ZNRF1: variants seen among roughly 807,000 people sequenced by gnomAD.
The protein encoded by ZNRF1 is zinc and ring finger 1.
ZNRF1 carries 3 observed loss-of-function variants against 18.4 expected under a neutral mutation model. The observed-to-expected ratio is 0.16, with a 90% CI of 0.07 to 0.42. The LOEUF (loss-of-function observed/expected upper bound fraction) is 0.42. ZNRF1 is among the 10% of genes least tolerant of loss of function. The probability of loss-of-function intolerance (pLI) is 0.99; values close to 1 mark genes in which losing one functional copy is unlikely to be tolerated. For synonymous variants in ZNRF1, 157 were observed against 144.2 expected (o/e 1.09, Z -0.64); for missense variants, 310 against 329.8 (o/e 0.94, Z 0.47).
At chr16:75,089,354 C>G (rs1948628704) in intron 1 of ZNRF1, among the ~76,000 whole-genome samples, 1 of 152,148 alleles carries the variant, frequency 6.6e-6, no homozygotes, top group Admixed American at 6.5e-5. Context: ...AGTGATCCTC[C>G]CACCATGGCC....
intron 1 of ZNRF1, among the ~76,000 whole-genome samples, chr16:75,029,754 G>A (rs2035275748): frequency 6.6e-6 from 1 of 151,870 alleles, no homozygotes; most frequent in Non-Finnish European, 1.5e-5. Context: ...GGGTAACAGA[G>A]CGAGACTCCA....
At chr16:75,024,953 G>A (rs541349379) in intron 1 of ZNRF1, among the ~76,000 whole-genome samples, 11 of 152,302 alleles carry the variant, frequency 7.2e-5, no homozygotes, top group African/African-American at 2.6e-4. Flanking sequence ...TGTGTGTAAA[G>A]CCGTAGAAAG....
intron 1 of ZNRF1, among the ~76,000 whole-genome samples, chr16:75,075,398 C>T (rs779183061): frequency 6.6e-6 from 1 of 152,324 alleles, no homozygotes; most frequent in East Asian, 1.9e-4. Flanking sequence ...GCAGCATGAC[C>T]GCAGTGGGTT....
At chr16:75,013,703 A>C (rs925195399) in intron 1 of ZNRF1, among the ~76,000 whole-genome samples, 3 of 152,238 alleles carry the variant, frequency 2.0e-5, no homozygotes, top group African/African-American at 7.2e-5. Context: ...ACTAAATGGA[A>C]AAGTCAGAGA....
intron 1 of ZNRF1, among the ~76,000 whole-genome samples, chr16:75,024,872 A>G (rs1164309184): frequency 6.6e-6 from 1 of 152,244 alleles, no homozygotes; most frequent in African/African-American, 2.4e-5. Context: ...ACATTAATGT[A>G]GAAAGCGGAA....
intron 1 of ZNRF1, among the ~76,000 whole-genome samples, chr16:75,016,011 C>T (rs1240027708): frequency 6.6e-6 from 1 of 151,144 alleles, no homozygotes; most frequent in Non-Finnish European, 1.5e-5. Context: ...AGCTCCGCCT[C>T]CCGGGTTCAT....
chr16:75,032,176 C>T (rs2035314685), intron 1 of ZNRF1, among the ~76,000 whole-genome samples: 1 of 136,094 alleles, frequency 7.3e-6, no homozygotes, highest in Non-Finnish European at 1.5e-5. Flanking sequence ...GTGGTACGGT[C>T]TCAGCTTACT....
At position 75,000,196 on chromosome 16, in the gene ZNRF1, A is replaced by G. The variant is rs972089838; in HGVS notation, c.424+101A>G. 11 of 1,456,384 alleles carry G rather than the reference A, an allele frequency of 7.6e-6. 1 individual carries two copies. Among genetic ancestry groups the G allele is most frequent in the South Asian group, 2.4e-5 (2 of 81,850 alleles). The allele number at this position is 1,456,384 out of a possible 1,614,324, so 90.2% of individuals were successfully genotyped here. A position where few individuals can be genotyped will look rare whatever the true frequency, so the allele number is the denominator to read the frequency against. On this transcript the variant is annotated intron_variant, in intron 1 of 4. Coordinates refer to ENST00000335325, the MANE Select transcript of ZNRF1 (RefSeq NM_032268.5). ...TTTGGGAATGTAGTGCACGACCGGGATCTGTCTGCATTCCCTTTGGTTCCC... is the reference window on the plus strand; with the variant it reads ...TTTGGGAATGTAGTGCACGACCGGGGTCTGTCTGCATTCCCTTTGGTTCCC...
At chr16:75,050,888 A>AAAAAAAT (rs2035589628) in intron 1 of ZNRF1, among the ~76,000 whole-genome samples, 1 of 99,332 alleles carries the variant, frequency 1.0e-5, no homozygotes, top group Non-Finnish European at 2.0e-5. Flanking sequence ...AAAAAAAAAA[A>AAAAAAAT]CAAAAAAAAA....
At chr16:75,044,120 A>G (rs1263117564) in intron 1 of ZNRF1, among the ~76,000 whole-genome samples, 1 of 149,100 alleles carries the variant, frequency 6.7e-6, no homozygotes, top group Non-Finnish European at 1.5e-5. Flanking sequence ...GCTGCTTTGT[A>G]CTTTTAAAAT....
chr16:75,071,816 T>A (rs1034299171), intron 1 of ZNRF1, among the ~76,000 whole-genome samples: 10 of 152,168 alleles, frequency 6.6e-5, no homozygotes, highest in Non-Finnish European at 1.3e-4. Flanking sequence ...TCCAGTTCTT[T>A]GAAACAATAA....
chr16:75,042,660 T>C (rs2035464660), intron 1 of ZNRF1, among the ~76,000 whole-genome samples: 1 of 152,170 alleles, frequency 6.6e-6, no homozygotes, highest in South Asian at 2.1e-4. Context: ...AATTGGGTAG[T>C]GTACAGTCTC....
chr16:75,104,926 C>T (rs776341207), intron 3 of ZNRF1, 37 bp downstream of exon 3: 2 of 1,511,678 alleles, frequency 1.3e-6, no homozygotes, highest in Non-Finnish European at 9.0e-7. Flanking sequence ...GTGCACCCCA[C>T]CTCCCAGAGG....
chr16:75,072,029 C>G (rs938573381), intron 1 of ZNRF1, among the ~76,000 whole-genome samples: 5 of 152,114 alleles, frequency 3.3e-5, no homozygotes, highest in African/African-American at 1.2e-4. Flanking sequence ...GCCTCAACCT[C>G]CTGAGCTCAA....
chr16:75,048,906 C>G (rs1323407006), intron 1 of ZNRF1, among the ~76,000 whole-genome samples: 1 of 152,134 alleles, frequency 6.6e-6, no homozygotes, highest in African/African-American at 2.4e-5. Flanking sequence ...ATTTTAATGA[C>G]TATCCTTTTC....
chr16:75,023,670 C>G (rs764254627), intron 1 of ZNRF1, among the ~76,000 whole-genome samples: 2 of 149,916 alleles, frequency 1.3e-5, no homozygotes, highest in Non-Finnish European at 3.0e-5. Flanking sequence ...GGTGAAAGAG[C>G]GAAACTCCAT....
chr16:75,030,851 TTTTTG>T (rs1479772231), intron 1 of ZNRF1, among the ~76,000 whole-genome samples: 1 of 146,682 alleles, frequency 6.8e-6, no homozygotes, highest in Non-Finnish European at 1.5e-5. Flanking sequence ...TTTTTTTTTT[TTTTTG>T]TTAAGACGGA....
intron 1 of ZNRF1, among the ~76,000 whole-genome samples, chr16:75,077,351 G>A (rs1056893204): frequency 7.9e-5 from 12 of 152,288 alleles, no homozygotes; most frequent in African/African-American, 2.9e-4. Context: ...TGACCAACAT[G>A]TACAAACCCC....
intron 1 of ZNRF1, among the ~76,000 whole-genome samples, chr16:75,087,884 C>T (rs889692383): frequency 1.3e-5 from 2 of 152,184 alleles, no homozygotes; most frequent in Admixed American, 6.5e-5. Context: ...GCCGCTGGGG[C>T]GCTGGCTGGC....
Sources: gnomAD v4.1 joint callset for allele counts (sites outside exome capture counted in the v4.1 genomes callset) on GRCh38, gnomAD v4.1.1 for gene constraint, MANE v1.5 for transcripts, NCBI Gene and HGNC (gene_info 2026-07-23, HGNC 2026-07-21) for gene names.